Variants in ARL15 observed in about 807,000 individuals in gnomAD.
ARL15 encodes the protein ADP-ribosylation factor-like protein 15.
Under a neutral mutation model 25.2 loss-of-function variants are expected in ARL15, and 19 were observed. That is an observed-to-expected ratio of 0.75 (90% CI 0.53 to 1.10). ARL15 has a LOEUF of 1.10. ARL15 is among the 50% of genes least tolerant of loss of function. ARL15 has a pLI of 0.00. For missense variants in ARL15, 220 were observed against 246.0 expected (o/e 0.89, Z 0.71); for synonymous variants, 94 against 86.8 (o/e 1.08, Z -0.46).
At chr5:54,175,907 T>A (rs1754857591) in intron 1 of ARL15, among the ~76,000 whole-genome samples, 1 of 151,894 alleles carries the variant, frequency 6.6e-6, no homozygotes, top group South Asian at 2.1e-4. Flanking sequence ...TCACCCCGGC[T>A]GCCCAAAGTG....
At chr5:54,269,224 G>T (rs41151) in intron 1 of ARL15, among the ~76,000 whole-genome samples, 107,044 of 151,640 alleles carry the variant, frequency 0.71, 38,271 homozygotes, top group Non-Finnish European at 0.74. Context: ...AGTATAATAA[G>T]AATAAAATAA....
chr5:53,943,025 C>T (rs1357076554), intron 4 of ARL15, among the ~76,000 whole-genome samples: 1 of 152,008 alleles, frequency 6.6e-6, no homozygotes, highest in African/African-American at 2.4e-5. Context: ...AACAAAGAGA[C>T]AATAAATGTT....
intron 4 of ARL15, among the ~76,000 whole-genome samples, chr5:54,028,834 C>G (rs574208530): frequency 1.3e-5 from 2 of 152,006 alleles, no homozygotes; most frequent in Admixed American, 1.3e-4. Flanking sequence ...CAACATAGCA[C>G]GACCCCATCT....
intron 4 of ARL15, among the ~76,000 whole-genome samples, chr5:53,917,233 G>A (rs991354686): frequency 6.6e-6 from 1 of 152,168 alleles, no homozygotes; most frequent in African/African-American, 2.4e-5. Context: ...GTGTGTCTCT[G>A]ATATCACTTC....
chr5:53,978,622 C>CAAAAAAAAAAAAAAAAAAAAAAAAAAAAA (rs147288475), intron 4 of ARL15, among the ~76,000 whole-genome samples: 1 of 74,598 alleles, frequency 1.3e-5, no homozygotes, highest in Non-Finnish European at 2.5e-5. Context: ...CCTGTCTCTA[C>CAAAAAAAAAAAAAAAAAAAAAAAAAAAAA]AAAAAAAAAA....
chr5:54,050,619 A>C (rs2111985524), intron 4 of ARL15, among the ~76,000 whole-genome samples: 1 of 152,326 alleles, frequency 6.6e-6, no homozygotes, highest in East Asian at 1.9e-4. Flanking sequence ...GTGTGTCTAA[A>C]ACTGGGGATT....
chr5:54,104,868 A>G (rs1752544340), intron 4 of ARL15, among the ~76,000 whole-genome samples: 1 of 151,980 alleles, frequency 6.6e-6, no homozygotes, highest in African/African-American at 2.4e-5. Flanking sequence ...CTGTTTTTTC[A>G]GGGGAAGGAA....
At chr5:54,102,596 A>G (rs1752472969) in intron 4 of ARL15, among the ~76,000 whole-genome samples, 1 of 152,110 alleles carries the variant, frequency 6.6e-6, no homozygotes, top group Admixed American at 6.5e-5. Flanking sequence ...GAAATATGCT[A>G]ACGCCTGATG....
At chr5:54,272,983 C>T (rs1055527849) in intron 1 of ARL15, among the ~76,000 whole-genome samples, 1 of 152,048 alleles carries the variant, frequency 6.6e-6, no homozygotes, top group African/African-American at 2.4e-5. Flanking sequence ...TTCAAAAGTG[C>T]AACAGTCTAG....
intron 1 of ARL15, among the ~76,000 whole-genome samples, chr5:54,204,547 T>C (rs1755812872): frequency 6.6e-6 from 1 of 152,206 alleles, no homozygotes; most frequent in Admixed American, 6.5e-5. Context: ...AACTCCAGAC[T>C]GTGGCCTTCT....
chr5:54,101,872 A>C lies in ARL15; in HGVS notation c.462+11330T>G, dbSNP rs1427571134. Among the ~76,000 whole-genome samples the C allele has an allele frequency of 2.0e-5, 3 of 152,198 alleles. No individual in the cohort carries two copies. In the East Asian group the frequency reaches 5.8e-4, roughly 29 times the overall value. On this transcript the variant is annotated intron_variant, in intron 4 of 4. Coordinates refer to ENST00000504924, the MANE Select transcript of ARL15 (RefSeq NM_019087.3). The stretch of plus-strand genomic sequence containing the variant: ...GAAAAACATCAAAGTTAATATGCAA[A>C]ATTGGTATCCAAAATATGCAGAAAC...
intron 4 of ARL15, among the ~76,000 whole-genome samples, chr5:53,920,864 T>C (rs1401790564): frequency 2.6e-5 from 4 of 152,094 alleles, no homozygotes; most frequent in Non-Finnish European, 2.9e-5. Context: ...GGGGCACAAC[T>C]GATGTGCACA....
chr5:54,011,631 T>TA (rs979767811), intron 4 of ARL15, among the ~76,000 whole-genome samples: 14 of 152,294 alleles, frequency 9.2e-5, no homozygotes, highest in African/African-American at 3.1e-4. Flanking sequence ...AAAGGCTTGC[T>TA]AAGTCAGAAA....
chr5:54,060,285 T>A (rs1045461623), intron 4 of ARL15, among the ~76,000 whole-genome samples: 2 of 151,954 alleles, frequency 1.3e-5, no homozygotes, highest in African/African-American at 4.8e-5. Context: ...AAAAATTAGA[T>A]GGGCATGGTG....
At chr5:53,928,211 C>G (rs951906696) in intron 4 of ARL15, among the ~76,000 whole-genome samples, 3 of 152,106 alleles carry the variant, frequency 2.0e-5, no homozygotes, top group African/African-American at 4.8e-5. Flanking sequence ...GAAAAGGTTC[C>G]TGGAGAAGGG....
intron 1 of ARL15, among the ~76,000 whole-genome samples, chr5:54,180,538 C>T (rs1283154057): frequency 6.6e-6 from 1 of 152,172 alleles, no homozygotes; most frequent in African/African-American, 2.4e-5. Context: ...GAAATCCTGT[C>T]ATCCTTTAAG....
chr5:54,205,970 C>T (rs1281055494), intron 1 of ARL15, among the ~76,000 whole-genome samples: 1 of 152,094 alleles, frequency 6.6e-6, no homozygotes, highest in African/African-American at 2.4e-5. Flanking sequence ...CCCCCTTATT[C>T]TTCTTCTGGT....
At chr5:53,939,402 C>T (rs1580099501) in intron 4 of ARL15, among the ~76,000 whole-genome samples, 1 of 152,082 alleles carries the variant, frequency 6.6e-6, no homozygotes, top group African/African-American at 2.4e-5. Context: ...TTTGGACTGA[C>T]GAAAATATTC....
chr5:54,157,644 C>A (rs1053136216), intron 2 of ARL15, among the ~76,000 whole-genome samples: 1 of 152,086 alleles, frequency 6.6e-6, no homozygotes, highest in African/African-American at 2.4e-5. Flanking sequence ...ATCTCCTGAC[C>A]TCGTGATCTA....
Sources: allele counts gnomAD v4.1 joint callset (sites outside exome capture counted in the v4.1 genomes callset), GRCh38; gene constraint gnomAD v4.1.1; transcripts MANE v1.5; gene names NCBI Gene and HGNC (gene_info 2026-07-23, HGNC 2026-07-21).